The following CGNL1 variants were observed in gnomAD, a reference collection of about 807,000 sequenced individuals.
CGNL1 encodes the protein cingulin-like protein 1.
CGNL1 carries 132 observed loss-of-function variants against 141.2 expected under a neutral mutation model. That is an observed-to-expected ratio of 0.93 (90% CI 0.81 to 1.08). CGNL1 has a LOEUF of 1.08. Ranked by LOEUF, CGNL1 falls within the 50% of genes least tolerant of loss-of-function variation. CGNL1 has a pLI of 0.00. For synonymous variants in CGNL1, 690 were observed against 622.1 expected (o/e 1.11, Z -1.63); for missense variants, 1,870 against 1,588.6 (o/e 1.18, Z -3.01).
intron 8 of CGNL1, among the ~76,000 whole-genome samples, chr15:57,496,275 G>A (rs1007322571): frequency 2.0e-5 from 3 of 152,182 alleles, no homozygotes; most frequent in Non-Finnish European, 4.4e-5. Flanking sequence ...CTATTGAGAA[G>A]ATCAAGAGTT....
intron 1 of CGNL1, among the ~76,000 whole-genome samples, chr15:57,378,662 C>T (rs1159466688): frequency 2.0e-5 from 3 of 152,104 alleles, no homozygotes; most frequent in Non-Finnish European, 4.4e-5. Flanking sequence ...GGATTACAGG[C>T]ATGAGCCACC....
At position 57,410,508 on chromosome 15, in the gene CGNL1, G is replaced by C. The variant is rs540562060; in HGVS notation, c.-15-27477G>C. ...TGTCGCTGGCTATGTCAGCAGATGGGAGAGTGTTCTGGAAGCTTTCCCATC... is the reference window on the plus strand; with the variant it reads ...TGTCGCTGGCTATGTCAGCAGATGGCAGAGTGTTCTGGAAGCTTTCCCATC... On this transcript the variant is annotated intron_variant, in intron 1 of 18. Transcript: ENST00000281282. 2.0e-5 allele frequency among the ~76,000 whole-genome samples: 3 copies of C among 152,234 alleles called. No homozygotes were observed. In the South Asian group the frequency reaches 6.2e-4, roughly 32 times the overall value.
At chr15:57,385,824 GGGCCAA>G (rs1162690760) in intron 1 of CGNL1, among the ~76,000 whole-genome samples, 1 of 152,152 alleles carries the variant, frequency 6.6e-6, no homozygotes, top group African/African-American at 2.4e-5. Flanking sequence ...GGCATCTAAT[GGGCCAA>G]GGCCAAGGAT....
Position 57,513,107 on chromosome 15 carries a change from A to G in CGNL1, c.2404-3673A>G, listed in dbSNP as rs530240644. Among the ~76,000 whole-genome samples, 31 of 152,264 alleles carry G rather than the reference A, an allele frequency of 2.0e-4. No homozygotes were observed. In the East Asian group the frequency reaches 3.9e-3, roughly 19 times the overall value. ...TAGAACATTTTCCTAACCCCTAAAA[A>G]GAAATTCCATCGCCATTAGCAGTCA... is the stretch of plus-strand genomic sequence containing the variant. On this transcript the variant is annotated intron_variant, in intron 8 of 18. Transcript: ENST00000281282.
At chr15:57,489,175 C>T (rs969834372) in intron 8 of CGNL1, among the ~76,000 whole-genome samples, 2 of 152,166 alleles carry the variant, frequency 1.3e-5, no homozygotes, top group Non-Finnish European at 1.5e-5. Flanking sequence ...AATCCAGTTA[C>T]TGATGTTACA....
chr15:57,388,187 G>C (rs1307231698), intron 1 of CGNL1, among the ~76,000 whole-genome samples: 3 of 152,226 alleles, frequency 2.0e-5, no homozygotes, highest in Non-Finnish European at 4.4e-5. Context: ...TAGGGTCTGA[G>C]AGCTGGAGGA....
chr15:57,430,778 G>A (rs532711034), intron 1 of CGNL1, among the ~76,000 whole-genome samples: 2 of 152,250 alleles, frequency 1.3e-5, no homozygotes, highest in Admixed American at 1.3e-4. Flanking sequence ...GGAGTGCAGT[G>A]GTGCAATCTT....
chr15:57,398,674 G>A (rs190964946), intron 1 of CGNL1, among the ~76,000 whole-genome samples: 22 of 152,314 alleles, frequency 1.4e-4, no homozygotes, highest in African/African-American at 5.1e-4. Context: ...CCAGGCTGGC[G>A]TCATGGTGTA....
At chr15:57,508,325 G>T (rs2152396464) in intron 8 of CGNL1, among the ~76,000 whole-genome samples, 1 of 152,214 alleles carries the variant, frequency 6.6e-6, no homozygotes, top group African/African-American at 2.4e-5. Context: ...TGGAAATTCT[G>T]ATGTTCTTCT....
intron 1 of CGNL1, among the ~76,000 whole-genome samples, chr15:57,412,042 T>C (rs1595675872): frequency 6.6e-6 from 1 of 152,238 alleles, no homozygotes; most frequent in East Asian, 1.9e-4. Flanking sequence ...CATTCGCAGG[T>C]TTCCTTTTGG....
At chr15:57,539,545 G>C (rs1353252303) in intron 14 of CGNL1, among the ~76,000 whole-genome samples, 1 of 152,164 alleles carries the variant, frequency 6.6e-6, no homozygotes, top group Non-Finnish European at 1.5e-5. Context: ...TGTCTTAGTC[G>C]CTGCTGGATT....
intron 8 of CGNL1, among the ~76,000 whole-genome samples, chr15:57,497,360 G>A (rs1477871428): frequency 2.6e-5 from 4 of 151,860 alleles, no homozygotes; most frequent in African/African-American, 9.7e-5. Flanking sequence ...TGGGAACTGG[G>A]GGCAGGTAGG....
At chr15:57,381,680 A>G (rs866127215) in intron 1 of CGNL1, among the ~76,000 whole-genome samples, 2 of 152,220 alleles carry the variant, frequency 1.3e-5, no homozygotes, top group African/African-American at 2.4e-5. Context: ...GCTGATTAAG[A>G]AATTGTGTTC....
intron 1 of CGNL1, among the ~76,000 whole-genome samples, chr15:57,406,807 G>A (rs368954494): frequency 2.0e-5 from 3 of 152,176 alleles, no homozygotes; most frequent in African/African-American, 4.8e-5. Flanking sequence ...AATAGTGCTG[G>A]GCTCTGAATG....
intron 3 of CGNL1, 70 bp from the exon 4 acceptor site, chr15:57,442,303 C>G (rs1231028286): frequency 1.2e-5 from 11 of 889,754 alleles, no homozygotes. Flanking sequence ...GGGTGTGTGT[C>G]ATGACATATA....
chr15:57,455,753 A>G (rs1431633129), intron 7 of CGNL1, among the ~76,000 whole-genome samples: 5 of 152,240 alleles, frequency 3.3e-5, no homozygotes, highest in African/African-American at 1.2e-4. Flanking sequence ...GCCATACTGC[A>G]TATCTATTAA....
intron 12 of CGNL1, among the ~76,000 whole-genome samples, chr15:57,526,481 A>C (rs140341540): frequency 5.5e-4 from 84 of 151,866 alleles, no homozygotes; most frequent in African/African-American, 1.9e-3. Flanking sequence ...ATCTTGGTTA[A>C]AAAAAAACCC....
Position 57,550,410 on chromosome 15 carries a change from T to A in CGNL1, c.*2920T>A, listed in dbSNP as rs544457403. The A allele has an allele frequency of 6.5e-6, 1 of 152,748 alleles. No individual in the cohort carries two copies. Among genetic ancestry groups the A allele is most frequent in the East Asian group, 1.9e-4 (1 of 5,182 alleles). The allele number at this position is 152,748 out of a possible 1,614,324, so 9.5% of individuals were successfully genotyped here. ...TTCTTCTGTTTTTTGCTTTAAGAAC[T>A]AACCCCGATCAAGAGTATTTTCTTT... On this transcript the variant is annotated 3_prime_UTR_variant, in exon 19 of 19. Transcript: ENST00000281282.
intron 18 of CGNL1, among the ~76,000 whole-genome samples, chr15:57,547,028 A>C (rs2032906558): frequency 6.6e-6 from 1 of 152,242 alleles, no homozygotes; most frequent in South Asian, 2.1e-4. Flanking sequence ...AATATTTAAA[A>C]GATAATGCAT....
Sources: gnomAD v4.1 joint callset for allele counts (sites outside exome capture counted in the v4.1 genomes callset) on GRCh38, gnomAD v4.1.1 for gene constraint, MANE v1.5 for transcripts, NCBI Gene and HGNC (gene_info 2026-07-23, HGNC 2026-07-21) for gene names.